CHRM3: variants seen among roughly 807,000 people sequenced by gnomAD.
The protein encoded by CHRM3 is muscarinic acetylcholine receptor M3.
In CHRM3, 11 loss-of-function variants were observed where a neutral mutation model predicts 41.8. The observed-to-expected ratio is 0.26, with a 90% CI of 0.17 to 0.44. The LOEUF is 0.44. Among genes scored for constraint, CHRM3 ranks in the 20% least tolerant of loss-of-function variants. The pLI is 1.00. For missense variants in CHRM3, 571 were observed against 745.4 expected, an observed-to-expected ratio of 0.77 and a Z score of 2.72; for synonymous variants, 297 against 301.4, an observed-to-expected ratio of 0.99 and a Z score of 0.15.
chr1:239,616,663 G>T (rs2148784714), intron 3 of CHRM3, among the ~76,000 whole-genome samples: 1 of 152,140 alleles, frequency 6.6e-6, no homozygotes, highest in East Asian at 1.9e-4. Flanking sequence ...AACAGGAATT[G>T]CCAAAATTAT....
intron 3 of CHRM3, among the ~76,000 whole-genome samples, chr1:239,620,346 C>T (rs951798013): frequency 6.6e-6 from 1 of 152,128 alleles, no homozygotes; most frequent in African/African-American, 2.4e-5. Flanking sequence ...GCCTTTGGTG[C>T]AAGACTGTGT....
At chr1:239,738,042 G>A (rs1664536463) in intron 5 of CHRM3, among the ~76,000 whole-genome samples, 1 of 152,142 alleles carries the variant, frequency 6.6e-6, no homozygotes, top group African/African-American at 2.4e-5. Context: ...ATTACTTGTG[G>A]ATGAAGCTTC....
chr1:239,864,812 GAT>G (rs1289005673), intron 6 of CHRM3, among the ~76,000 whole-genome samples: 2 of 152,042 alleles, frequency 1.3e-5, no homozygotes, highest in African/African-American at 4.8e-5. Context: ...ACTATTTTGA[GAT>G]ATCACTTTTT....
chr1:239,834,571 C>G, intron 6 of CHRM3, among the ~76,000 whole-genome samples: 1 of 152,146 alleles, frequency 6.6e-6, no homozygotes. Context: ...TTCATACAGT[C>G]CCCACTAATC....
chr1:239,605,480 A>G (rs1666135924), intron 3 of CHRM3, among the ~76,000 whole-genome samples: 1 of 152,190 alleles, frequency 6.6e-6, no homozygotes, highest in Admixed American at 6.5e-5. Context: ...GAAATCACCT[A>G]ATAGCACATT....
chr1:239,569,464 T>G (rs528010780), intron 3 of CHRM3, among the ~76,000 whole-genome samples: 1 of 152,272 alleles, frequency 6.6e-6, no homozygotes, highest in African/African-American at 2.4e-5. Context: ...TGAGAAAAAT[T>G]TAAATACTGC....
chr1:239,408,589 C>T (rs575028045), intron 1 of CHRM3, among the ~76,000 whole-genome samples: 17 of 150,674 alleles, frequency 1.1e-4, no homozygotes, highest in Non-Finnish European at 2.2e-4. Context: ...GTCCTTATAG[C>T]AGCGTGAGAA....
intron 1 of CHRM3, among the ~76,000 whole-genome samples, chr1:239,490,651 T>C (rs986188178): frequency 4.6e-5 from 7 of 152,288 alleles, no homozygotes; most frequent in African/African-American, 1.4e-4. Flanking sequence ...AGTCTGGAAC[T>C]ACTGGCCTCA....
chr1:239,477,941 C>T (rs1351629439), intron 1 of CHRM3, among the ~76,000 whole-genome samples: 1 of 152,122 alleles, frequency 6.6e-6, no homozygotes, highest in African/African-American at 2.4e-5. Context: ...AGGTCAGCTG[C>T]ACAGCGAGGC....
chr1:239,395,397 G>A (rs1440417887), intron 1 of CHRM3, among the ~76,000 whole-genome samples: 3 of 151,964 alleles, frequency 2.0e-5, no homozygotes, highest in Non-Finnish European at 4.4e-5. Flanking sequence ...CTATTTCTAT[G>A]AATAGCATGA....
At chr1:239,612,618 A>C (rs561160722) in intron 3 of CHRM3, among the ~76,000 whole-genome samples, 4 of 151,662 alleles carry the variant, frequency 2.6e-5, no homozygotes, top group African/African-American at 9.8e-5. Flanking sequence ...GCATTCCTGC[A>C]CTCCAAGAAG....
Position 239,404,400 on chromosome 1 carries a change from GAAAGAAAGAAAAAGAAAGAAAGAAAGAA to G in CHRM3, c.-521+17175_-521+17202del, listed in dbSNP as rs1660323547. 1.8e-3 allele frequency among the ~76,000 whole-genome samples: 108 copies of G among 59,030 alleles called. 3 individuals are homozygous for G. The highest frequency in any genetic ancestry group is 0.016 in the East Asian group (35 of 2,128). 38.7% of individuals were successfully genotyped at this position (59,030 alleles called of 152,430 possible). On this transcript the variant is annotated intron_variant, in intron 1 of 6. Coordinates refer to ENST00000676153, the MANE Select transcript of CHRM3 (RefSeq NM_001375978.1). ...AGAAAGAAAGAAAGAAAGAAAGAAA[GAAAGAAAGAAAAAGAAAGAAAGAAAGAA>G]AGAAAGAAAGAAAGAAAGAAAGAAA...
intron 6 of CHRM3, among the ~76,000 whole-genome samples, chr1:239,868,873 C>T (rs1676338419): frequency 1.3e-5 from 2 of 152,206 alleles, no homozygotes; most frequent in African/African-American, 2.4e-5. Flanking sequence ...CTTTGAGCCC[C>T]GGTTTCAAGA....
intron 3 of CHRM3, among the ~76,000 whole-genome samples, chr1:239,599,372 C>T (rs1665216121): frequency 6.7e-6 from 1 of 150,196 alleles, no homozygotes; most frequent in South Asian, 2.1e-4. Context: ...TTCTTCTATT[C>T]TTGGATCCTC....
At chr1:239,863,811 C>T (rs1350559881) in intron 6 of CHRM3, among the ~76,000 whole-genome samples, 1 of 151,994 alleles carries the variant, frequency 6.6e-6, no homozygotes. Flanking sequence ...TAAAACTCAC[C>T]TAAGAAAGAA....
chr1:239,392,087 G>T (rs942793792), intron 1 of CHRM3, among the ~76,000 whole-genome samples: 1 of 152,176 alleles, frequency 6.6e-6, no homozygotes, highest in African/African-American at 2.4e-5. Context: ...GAAAATTTTA[G>T]CTATGACCTT....
chr1:239,739,720 G>T (rs564686323), intron 5 of CHRM3, among the ~76,000 whole-genome samples: 21 of 152,130 alleles, frequency 1.4e-4, no homozygotes, highest in African/African-American at 5.1e-4. Flanking sequence ...GAAAAATGGG[G>T]CATGTCCCAG....
chr1:239,862,048 A>G (rs963630764), intron 6 of CHRM3, among the ~76,000 whole-genome samples: 2 of 152,216 alleles, frequency 1.3e-5, no homozygotes, highest in Non-Finnish European at 2.9e-5. Context: ...GAATGTCATG[A>G]TATGCTTCAG....
chr1:239,629,592 AAT>A (rs1428153146), intron 3 of CHRM3: 1 of 152,240 alleles, frequency 6.6e-6, no homozygotes, highest in Non-Finnish European at 1.5e-5. Context: ...AATTGATGAC[AAT>A]ATAGTGTAAA....
Sources: allele counts gnomAD v4.1 joint callset (sites outside exome capture counted in the v4.1 genomes callset), GRCh38; gene constraint gnomAD v4.1.1; transcripts MANE v1.5; gene names NCBI Gene and HGNC (gene_info 2026-07-23, HGNC 2026-07-21).